TGM7: variants seen among roughly 807,000 people sequenced by gnomAD.
TGM7 encodes protein-glutamine gamma-glutamyltransferase Z.
Under a neutral mutation model 79.5 loss-of-function variants are expected in TGM7, and 74 were observed. The observed-to-expected ratio is 0.93, with a 90% confidence interval of 0.77 to 1.13. The LOEUF is 1.13. TGM7 is among the 50% of genes most tolerant of loss of function. TGM7 has a pLI of 0.00. For synonymous variants in TGM7, 354 were observed against 362.5 expected, an observed-to-expected ratio of 0.98 and a Z score of 0.27; for missense variants, 912 against 905.9, an observed-to-expected ratio of 1.01 and a Z score of -0.09.
chr15:43,298,951 G>T (rs1032698991), intron 1 of TGM7, among the ~76,000 whole-genome samples: 1 of 151,106 alleles, frequency 6.6e-6, no homozygotes, highest in African/African-American at 2.4e-5. Context: ...CTTATCTGAT[G>T]ATTCCAACTT....
intron 12 of TGM7, 72 bp from the exon 13 acceptor site, chr15:43,276,686 C>A (rs1008711539): frequency 1.9e-6 from 3 of 1,560,702 alleles, no homozygotes; most frequent in Admixed American, 3.6e-5. Flanking sequence ...TGGTTCCCCT[C>A]TGGGTGGGTA....
chr15:43,297,809 C>T (rs1160983524), intron 1 of TGM7, among the ~76,000 whole-genome samples: 3 of 152,156 alleles, frequency 2.0e-5, no homozygotes, highest in Admixed American at 6.5e-5. Context: ...CTTTCTTTGG[C>T]CACCAAGCAT....
chr15:43,281,816 G>A lies in TGM7; in HGVS notation c.1351+28C>T, dbSNP rs766935278. The A allele has an allele frequency of 1.9e-6, 3 of 1,609,232 alleles. No homozygotes were observed. In the South Asian group the frequency reaches 3.3e-5, roughly 18 times the overall value. On this transcript the variant is annotated intron_variant, in intron 9 of 12. Transcript: ENST00000452443. ...AAGCATCACAAAGAAGCTTAAAGCAGCCCTTTCCCCAAATACCCGCCCAGC... is the reference window on the plus strand; with the variant it reads ...AAGCATCACAAAGAAGCTTAAAGCAACCCTTTCCCCAAATACCCGCCCAGC...
At chr15:43,288,337 C>CCA (rs1422651977) in intron 4 of TGM7, among the ~76,000 whole-genome samples, 1 of 152,146 alleles carries the variant, frequency 6.6e-6, no homozygotes, top group African/African-American at 2.4e-5. Context: ...CAAGGCTTCC[C>CCA]CCACCTCTTC....
At chr15:43,296,956 G>A (rs979394429) in intron 1 of TGM7, among the ~76,000 whole-genome samples, 1 of 152,124 alleles carries the variant, frequency 6.6e-6, no homozygotes, top group African/African-American at 2.4e-5. Flanking sequence ...GCTCAACAAA[G>A]CAGAAAATCA....
Position 43,297,522 on chromosome 15 carries a change from G to GGAAAGAAA in TGM7, c.11-3899_11-3892dup, listed in dbSNP as rs60842023. ...AAGAAAGAAAGAAGGAAGGAAGGAA[G>GGAAAGAAA]GAAAGAAAGAAAGAAAGAGAAAAAG... On this transcript the variant is annotated intron_variant, in intron 1 of 12. Coordinates refer to ENST00000452443, the MANE Select transcript of TGM7 (RefSeq NM_052955.3). Among the ~76,000 whole-genome samples, 126 of 129,478 alleles carry GGAAAGAAA rather than the reference G, an allele frequency of 9.7e-4. 1 individual carries two copies. The highest frequency in any genetic ancestry group is 3.8e-3 in the South Asian group (15 of 3,984). The allele number at this position is 129,478 out of a possible 152,430, so 84.9% of individuals were successfully genotyped here.
Position 43,276,414 on chromosome 15 carries a change from G to A in TGM7, c.*41C>T, listed in dbSNP as rs373102988. On this transcript the variant is annotated 3_prime_UTR_variant, in exon 13 of 13. Coordinates refer to ENST00000452443, the MANE Select transcript of TGM7 (RefSeq NM_052955.3). ...ATAGCCAGGAGTAGAAAGGAGCCAG[G>A]TGGGGCAGGGGTGCCAGGGAGGGCA... The A allele has an allele frequency of 1.3e-5, 20 of 1,587,338 alleles. No individual in the cohort carries two copies. The highest frequency in any genetic ancestry group is 1.6e-5 in the Non-Finnish European group (19 of 1,167,072).
chr15:43,280,835 G>A (rs778565956), intron 9 of TGM7, among the ~76,000 whole-genome samples: 38 of 152,154 alleles, frequency 2.5e-4, no homozygotes, highest in Non-Finnish European at 1.6e-4. Context: ...GCTAGCATGC[G>A]GAATAAGAAA....
chr15:43,276,367 A>G lies in TGM7; in HGVS notation c.*88T>C. On this transcript the variant is annotated 3_prime_UTR_variant, in exon 13 of 13. Transcript: ENST00000452443. ...CATTCCCAGGCAGGCTAGAGAGAGGACAGAGGTGGAGCCAAGACGACATAG... is the reference window on the plus strand; with the variant it reads ...CATTCCCAGGCAGGCTAGAGAGAGGGCAGAGGTGGAGCCAAGACGACATAG... 6.8e-7 allele frequency: 1 copy of G among 1,462,810 alleles called. No individual in the cohort carries two copies. The highest frequency in any genetic ancestry group is 9.3e-7 in the Non-Finnish European group (1 of 1,081,036). 90.6% of individuals were successfully genotyped at this position (1,462,810 alleles called of 1,614,324 possible).
intron 1 of TGM7, among the ~76,000 whole-genome samples, chr15:43,294,709 T>A (rs489509): frequency 0.44 from 66,369 of 151,788 alleles, 17,493 homozygotes; most frequent in African/African-American, 0.75. Context: ...TCTCAGTGGT[T>A]CTCAACGGGA....
At chr15:43,288,847 T>C (rs2042950206) in intron 4 of TGM7, among the ~76,000 whole-genome samples, 1 of 152,042 alleles carries the variant, frequency 6.6e-6, no homozygotes, top group Non-Finnish European at 1.5e-5. Flanking sequence ...GGAGAATCAC[T>C]TGAACCCAGG....
At chr15:43,293,415 G>A in intron 2 of TGM7, 34 bp downstream of exon 2, 2 of 1,550,240 alleles carry the variant, frequency 1.3e-6, no homozygotes, top group Non-Finnish European at 1.7e-6. Context: ...CATTTTGACG[G>A]AACCTGCGGG....
At position 43,293,435 on chromosome 15, in the gene TGM7, C is replaced by T. The variant is rs1176330043; in HGVS notation, c.193+14G>A. 18 of 1,583,768 alleles carry T rather than the reference C, an allele frequency of 1.1e-5. No individual in the cohort carries two copies. The highest frequency in any genetic ancestry group is 1.5e-5 in the Non-Finnish European group (17 of 1,160,602). ...TGACGGAACCTGCGGGGCCTTGGGA[C>T]AGGGCAAACTCACCGGTCTCAGCCA... On this transcript the variant is annotated intron_variant, in intron 2 of 12. Coordinates refer to ENST00000452443, the MANE Select transcript of TGM7 (RefSeq NM_052955.3).
chr15:43,285,898 G>A (rs528384029), intron 6 of TGM7, among the ~76,000 whole-genome samples: 2 of 152,074 alleles, frequency 1.3e-5, no homozygotes, highest in South Asian at 4.2e-4. Context: ...ATGAAGTCAA[G>A]CCAAGAGCCA....
intron 1 of TGM7, among the ~76,000 whole-genome samples, chr15:43,297,067 C>T (rs1175522653): frequency 2.6e-5 from 4 of 152,062 alleles, no homozygotes; most frequent in African/African-American, 9.7e-5. Context: ...GAGAGTTAAG[C>T]CCCAGCCACA....
chr15:43,293,897 G>T (rs1356392881), intron 1 of TGM7, among the ~76,000 whole-genome samples: 1 of 75,214 alleles, frequency 1.3e-5, no homozygotes, highest in Non-Finnish European at 2.4e-5. Context: ...GGGGTGGGGT[G>T]TGCGGGGGGC....
At position 43,293,428 on chromosome 15, in the gene TGM7, CT is replaced by C. The variant is rs1335467812; in HGVS notation, c.193+20del. On this transcript the variant is annotated intron_variant, in intron 2 of 12. Coordinates refer to ENST00000452443, the MANE Select transcript of TGM7 (RefSeq NM_052955.3). Reference sequence around the variant, plus strand: ...CTCATTTTGACGGAACCTGCGGGGCCTTGGGACAGGGCAAACTCACCGGTCT... The same window carrying C: ...CTCATTTTGACGGAACCTGCGGGGCCTGGGACAGGGCAAACTCACCGGTCT... The C allele has an allele frequency of 6.3e-7, 1 of 1,577,352 alleles. No individual in the cohort carries two copies. The highest frequency in any genetic ancestry group is 1.4e-5 in the African/African-American group (1 of 74,016).
intron 3 of TGM7, 108 bp from the exon 4 acceptor site, chr15:43,292,205 T>A: frequency 1.4e-6 from 1 of 736,118 alleles, no homozygotes; most frequent in Non-Finnish European, 2.3e-6. Flanking sequence ...GGAGGAACAG[T>A]CGATGGGTTG....
intron 1 of TGM7, 154 bp downstream of exon 1, chr15:43,302,087 G>T: frequency 2.4e-6 from 2 of 836,282 alleles, no homozygotes; most frequent in East Asian, 2.5e-5. Context: ...AAATGCAGAT[G>T]GAGAAGTAAG....
Sources: allele counts gnomAD v4.1 joint callset (sites outside exome capture counted in the v4.1 genomes callset), GRCh38; gene constraint gnomAD v4.1.1; transcripts MANE v1.5; gene names NCBI Gene and HGNC (gene_info 2026-07-23, HGNC 2026-07-21).